DMTF1: variants seen among roughly 807,000 people sequenced by gnomAD.
The protein encoded by DMTF1 is cyclin-D-binding Myb-like transcription factor 1.
DMTF1 carries 39 observed loss-of-function variants against 91.1 expected under a neutral mutation model. The ratio of observed to expected loss-of-function variants is 0.43; its 90% CI spans 0.33 to 0.56. DMTF1 has a LOEUF of 0.56. Ranked by LOEUF, DMTF1 falls within the 20% of genes least tolerant of loss-of-function variation. The probability of loss-of-function intolerance (pLI) is 0.05; values close to 1 mark genes in which losing one functional copy is unlikely to be tolerated. For synonymous variants in DMTF1, 338 were observed against 309.5 expected (o/e 1.09, Z -0.97); for missense variants, 750 against 914.5 (o/e 0.82, Z 2.32).
intron 7 of DMTF1, among the ~76,000 whole-genome samples, chr7:87,177,800 T>G (rs995700194): frequency 1.3e-5 from 2 of 152,062 alleles, no homozygotes; most frequent in African/African-American, 4.8e-5. Flanking sequence ...AATTCCTAAT[T>G]TACAGTGTCC....
At chr7:87,162,726 CA>C (rs775464208) in intron 1 of DMTF1, 2 of 151,728 alleles carry the variant, frequency 1.3e-5, no homozygotes, top group African/African-American at 2.4e-5. Flanking sequence ...ACTGAAAATG[CA>C]AAGAGGATCT....
chr7:87,177,534 A>G (rs1195748917), intron 7 of DMTF1, among the ~76,000 whole-genome samples: 2 of 152,096 alleles, frequency 1.3e-5, no homozygotes, highest in Non-Finnish European at 2.9e-5. Flanking sequence ...ACCTTGTCCC[A>G]ATTTAGTGGC....
At position 87,157,459 on chromosome 7, in the gene DMTF1, T is replaced by G. The variant is rs956277636; in HGVS notation, c.-132+4904T>G. 1.3e-5 allele frequency among the ~76,000 whole-genome samples: 2 copies of G among 152,138 alleles called. 1 individual carries two copies. The highest frequency in any genetic ancestry group is 1.3e-4 in the Admixed American group (2 of 15,276). ...AGTTGGAAATGAGTATACAGCTGTTTACAGAATTAGCCCCCAAAACTGGGA... is the reference window on the plus strand; with the variant it reads ...AGTTGGAAATGAGTATACAGCTGTTGACAGAATTAGCCCCCAAAACTGGGA... On this transcript the variant is annotated intron_variant, in intron 1 of 17. Transcript: ENST00000331242.
chr7:87,164,053 C>CT (rs1793179635), intron 2 of DMTF1, among the ~76,000 whole-genome samples: 1 of 47,352 alleles, frequency 2.1e-5, no homozygotes, highest in Admixed American at 2.4e-4. Context: ...GACGCCTTCT[C>CT]TAAAAAAAAA....
chr7:87,173,702 A>G, intron 6 of DMTF1, 53 bp downstream of exon 6: 1 of 1,133,316 alleles, frequency 8.8e-7, no homozygotes, highest in Non-Finnish European at 1.3e-6. Flanking sequence ...GGAGATAGAA[A>G]GGGCTTATAG....
At chr7:87,191,091 T>C (rs1014781944) in intron 14 of DMTF1, 64 bp downstream of exon 14, 5 of 1,048,806 alleles carry the variant, frequency 4.8e-6, no homozygotes, top group African/African-American at 1.6e-5. Flanking sequence ...GCTATCACTT[T>C]TGTGTTTCAT....
intron 14 of DMTF1, among the ~76,000 whole-genome samples, chr7:87,191,678 C>T (rs1799805381): frequency 6.6e-6 from 1 of 152,030 alleles, no homozygotes; most frequent in Non-Finnish European, 1.5e-5. Context: ...AACCAGACAA[C>T]ACAAAATATC....
rs540009992 is a variant in DMTF1 at position 87,156,735 on chromosome 7, A to G, written c.-132+4180A>G. ...TCCACTAAGATTTTCTACTAAGCAGACTTTCATTATTTCAAAATAAACATA... is the reference window on the plus strand; with the variant it reads ...TCCACTAAGATTTTCTACTAAGCAGGCTTTCATTATTTCAAAATAAACATA... On this transcript the variant is annotated intron_variant, in intron 1 of 17. Coordinates refer to ENST00000331242, the MANE Select transcript of DMTF1 (RefSeq NM_001142327.2). Among the ~76,000 whole-genome samples, 43 of 152,236 alleles carry G rather than the reference A, an allele frequency of 2.8e-4. No homozygotes were observed. In the South Asian group the frequency reaches 6.6e-3, roughly 23 times the overall value.
chr7:87,154,223 T>C (rs1790087490), intron 1 of DMTF1: 1 of 152,326 alleles, frequency 6.6e-6, no homozygotes, highest in South Asian at 2.1e-4. Context: ...TTTTCTTCCA[T>C]ACAGAAAGCA....
chr7:87,166,743 T>G, intron 4 of DMTF1, 138 bp downstream of exon 4: 1 of 800,176 alleles, frequency 1.2e-6, no homozygotes, highest in South Asian at 1.6e-5. Flanking sequence ...TCTTTTTAGC[T>G]AACAATAAAT....
chr7:87,186,564 G>A (rs1798489730), intron 12 of DMTF1: 1 of 152,402 alleles, frequency 6.6e-6, no homozygotes, highest in Non-Finnish European at 1.5e-5. Flanking sequence ...TAACCTTTCA[G>A]TCAACAACAG....
At chr7:87,163,012 C>A (rs1792880487) in intron 1 of DMTF1, 1 of 152,028 alleles carries the variant, frequency 6.6e-6, no homozygotes, top group Non-Finnish European at 1.5e-5. Context: ...GGTTGTTCAT[C>A]TGTCATCTTA....
chr7:87,170,117 A>AT (rs942419754), intron 4 of DMTF1, among the ~76,000 whole-genome samples: 7 of 151,968 alleles, frequency 4.6e-5, no homozygotes, highest in Admixed American at 1.3e-4. Flanking sequence ...AGTAGTTTTG[A>AT]TTTTTTTTAA....
chr7:87,163,847 C>T (rs887273656), intron 2 of DMTF1, among the ~76,000 whole-genome samples: 2 of 151,932 alleles, frequency 1.3e-5, no homozygotes. Flanking sequence ...ACATTCACTT[C>T]AGTGGTAAAT....
intron 1 of DMTF1, chr7:87,155,574 C>G (rs1021856045): frequency 6.6e-6 from 1 of 151,980 alleles, no homozygotes; most frequent in Non-Finnish European, 1.5e-5. Flanking sequence ...ATGTATGTGG[C>G]GTTTGTTTAC....
Position 87,193,651 on chromosome 7 carries a change from G to T in DMTF1, c.1651-74G>T, listed in dbSNP as rs535090123. On this transcript the variant is annotated intron_variant, in intron 15 of 17. Coordinates refer to ENST00000331242, the MANE Select transcript of DMTF1 (RefSeq NM_001142327.2). ...TTACAGTTTGAGAGGTAAGAGATGT[G>T]GGGGGAGACAGTGAGGTACCCCCAT... 3.8e-6 allele frequency: 5 copies of T among 1,315,276 alleles called. No homozygotes were observed. In the African/African-American group the frequency reaches 5.9e-5, roughly 16 times the overall value. 81.5% of individuals were successfully genotyped at this position (1,315,276 alleles called of 1,614,324 possible).
chr7:87,188,327 T>G, intron 13 of DMTF1, 26 bp downstream of exon 13: 1 of 1,611,702 alleles, frequency 6.2e-7, no homozygotes, highest in Non-Finnish European at 8.5e-7. Context: ...TCAAGATTCC[T>G]TGCTGTTTGA....
Position 87,193,784 on chromosome 7 carries a change from C to A in DMTF1, c.1710C>A (p.Val570=). 6.2e-7 allele frequency: 1 copy of A among 1,612,928 alleles called. No individual in the cohort carries two copies. The highest frequency in any genetic ancestry group is 8.5e-7 in the Non-Finnish European group (1 of 1,179,320). The change falls in exon 16 of 18, where the codon GTC becomes GTA. Residue 570 remains valine (V), a synonymous_variant. Transcript: ENST00000331242. ...NVTVQCHTPR[V]IIQTVATEDI... Reference sequence around the variant, plus strand: ...CAGTGCAGTGTCACACACCAAGAGTCATCATTCAGACTGTTGCCACAGAGG... The same window carrying A: ...CAGTGCAGTGTCACACACCAAGAGTAATCATTCAGACTGTTGCCACAGAGG...
At chr7:87,181,687 G>C (rs1797412150) in intron 9 of DMTF1, among the ~76,000 whole-genome samples, 1 of 152,174 alleles carries the variant, frequency 6.6e-6, no homozygotes, top group Admixed American at 6.5e-5. Context: ...GCTTGGTTTA[G>C]AATGGTGACT....
Sources: gnomAD v4.1 joint callset for allele counts (sites outside exome capture counted in the v4.1 genomes callset) on GRCh38, gnomAD v4.1.1 for gene constraint, MANE v1.5 for transcripts, NCBI Gene and HGNC (gene_info 2026-07-23, HGNC 2026-07-21) for gene names.